The following ITGB6 variants were observed in gnomAD, a reference collection of about 807,000 sequenced individuals.
ITGB6 encodes the protein integrin subunit beta 6.
Under a neutral mutation model 84.5 loss-of-function variants are expected in ITGB6, and 80 were observed. The observed-to-expected ratio is 0.95, with a 90% CI of 0.79 to 1.14. ITGB6 has a LOEUF of 1.14. ITGB6 is among the 50% of genes most tolerant of loss of function. The probability of loss-of-function intolerance (pLI) is 0.00; values close to 1 mark genes in which losing one functional copy is unlikely to be tolerated. For missense variants in ITGB6, 1,006 were observed against 968.0 expected, an observed-to-expected ratio of 1.04 and a Z score of -0.52; for synonymous variants, 383 against 354.9, an observed-to-expected ratio of 1.08 and a Z score of -0.89.
intron 4 of ITGB6, among the ~76,000 whole-genome samples, chr2:160,181,960 C>T (rs758104661): frequency 2.8e-4 from 42 of 152,248 alleles, no homozygotes; most frequent in Non-Finnish European, 5.4e-4. Flanking sequence ...ACAAAAAGGA[C>T]GTCCACACAA....
chr2:160,179,699 G>A (rs1347077892), intron 4 of ITGB6, among the ~76,000 whole-genome samples: 1 of 151,664 alleles, frequency 6.6e-6, no homozygotes, highest in Admixed American at 6.6e-5. Flanking sequence ...GCCCATTCCA[G>A]CATTTCATGC....
At position 160,174,103 on chromosome 2, in the gene ITGB6, G is replaced by T. The variant is rs367990097; in HGVS notation, c.630C>A (p.Phe210Leu). Residue 210 changes from phenylalanine to leucine, a missense_variant, in exon 5 of 15, where the codon TTC (phenylalanine) becomes TTA (leucine). Transcript: ENST00000283249. ...CATTTGTCAATGGCAAAATGTGCTT[G>T]AATCCAAATGTAGGTAAACAGAAGT... ...IPYFCLPTFG[F>L]KHILPLTNDA... The T allele has an allele frequency of 6.2e-7, 1 of 1,610,980 alleles. No individual in the cohort carries two copies. The highest frequency in any genetic ancestry group is 1.3e-5 in the African/African-American group (1 of 74,840).
rs1683256626 is a variant in ITGB6, at chr2:160,126,618, T to C, written c.1661-17A>G. On this transcript the variant is annotated splice_polypyrimidine_tract_variant and intron_variant, in intron 10 of 14. Transcript: ENST00000283249. ...CGCCGTTACCTGTAACACAAAATGC[T>C]CTATGCTTCTCACAGCCCCAAAACA... 7 of 1,603,872 alleles carry C rather than the reference T, an allele frequency of 4.4e-6. No individual in the cohort carries two copies. Among genetic ancestry groups the C allele is most frequent in the Non-Finnish European group, 6.0e-6 (7 of 1,172,644 alleles).
At chr2:160,132,109 T>C (rs1228506234) in intron 10 of ITGB6, among the ~76,000 whole-genome samples, 1 of 152,146 alleles carries the variant, frequency 6.6e-6, no homozygotes, top group Non-Finnish European at 1.5e-5. Context: ...CTATTAGACA[T>C]GCAATATGGG....
At chr2:160,155,300 G>C (rs899701102) in intron 7 of ITGB6, among the ~76,000 whole-genome samples, 1 of 152,162 alleles carries the variant, frequency 6.6e-6, no homozygotes, top group Non-Finnish European at 1.5e-5. Flanking sequence ...CAGAGGTTGG[G>C]GGCCAGTAAG....
intron 4 of ITGB6, among the ~76,000 whole-genome samples, chr2:160,177,682 C>G (rs1264615145): frequency 6.6e-6 from 1 of 152,116 alleles, no homozygotes; most frequent in East Asian, 1.9e-4. Flanking sequence ...TTGATGCAGT[C>G]AAACTTCTTC....
chr2:160,192,826 A>G (rs1329137655), intron 4 of ITGB6, among the ~76,000 whole-genome samples: 1 of 152,156 alleles, frequency 6.6e-6, no homozygotes, highest in Non-Finnish European at 1.5e-5. Context: ...AAATGGGCAA[A>G]AGATTTGAAA....
intron 4 of ITGB6, among the ~76,000 whole-genome samples, chr2:160,181,796 G>A (rs1331097060): frequency 6.6e-6 from 1 of 152,202 alleles, no homozygotes; most frequent in African/African-American, 2.4e-5. Context: ...GGAAGGAACA[G>A]GCAGCATTCT....
intron 5 of ITGB6, among the ~76,000 whole-genome samples, chr2:160,173,512 G>A (rs1008622973): frequency 8.5e-5 from 13 of 152,220 alleles, no homozygotes; most frequent in African/African-American, 3.1e-4. Flanking sequence ...GACAGTCAAG[G>A]AGGAGCAGTG....
rs186880812 is a variant in ITGB6, at chr2:160,193,936, C to T, written c.593+1433G>A. On this transcript the variant is annotated intron_variant, in intron 4 of 14. Coordinates refer to ENST00000283249, the MANE Select transcript of ITGB6 (RefSeq NM_000888.5). ...CTTTGGGAGGCCAAGGCGGGTGGAT[C>T]GCTTGAGGTCAGGAGTTTGAGACCA... is the stretch of plus-strand genomic sequence containing the variant. Among the ~76,000 whole-genome samples the T allele has an allele frequency of 2.6e-5, 4 of 152,270 alleles. No homozygotes were observed. In the East Asian group the frequency reaches 5.8e-4, roughly 22 times the overall value.
chr2:160,121,669 C>T (rs919760576), intron 12 of ITGB6, among the ~76,000 whole-genome samples: 1 of 151,638 alleles, frequency 6.6e-6, no homozygotes, highest in Non-Finnish European at 1.5e-5. Flanking sequence ...GCCTGTAGTC[C>T]CAGGTACTCA....
intron 12 of ITGB6, among the ~76,000 whole-genome samples, chr2:160,112,848 T>A (rs1224520700): frequency 6.6e-6 from 1 of 152,112 alleles, no homozygotes; most frequent in African/African-American, 2.4e-5. Context: ...GTGGGAATTT[T>A]TCCTTATTGA....
chr2:160,172,355 C>A (rs1259485370), intron 6 of ITGB6, among the ~76,000 whole-genome samples: 5 of 152,188 alleles, frequency 3.3e-5, no homozygotes, highest in Non-Finnish European at 7.4e-5. Flanking sequence ...GGATTCATAG[C>A]AGATCTAACT....
chr2:160,113,914 C>T (rs11897691), intron 12 of ITGB6, among the ~76,000 whole-genome samples: 1 of 151,868 alleles, frequency 6.6e-6, no homozygotes, highest in South Asian at 2.1e-4. Flanking sequence ...GCGTTTTCTT[C>T]TTGGACTGTT....
intron 12 of ITGB6, among the ~76,000 whole-genome samples, chr2:160,120,907 G>C (rs114100563): frequency 7.3e-6 from 1 of 137,756 alleles, no homozygotes; most frequent in African/African-American, 2.8e-5. Context: ...TTCAGGGACC[G>C]TTGTGGGATG....
chr2:160,099,857 A>G lies in ITGB6; in HGVS notation c.*1879T>C, dbSNP rs1405104620. 6.6e-6 allele frequency: 1 copy of G among 152,158 alleles called. No homozygotes were observed. Among genetic ancestry groups the G allele is most frequent in the African/African-American group, 2.4e-5 (1 of 41,440 alleles). 9.4% of individuals were successfully genotyped at this position (152,158 alleles called of 1,614,324 possible). A position where few individuals can be genotyped will look rare whatever the true frequency, so the allele number is the denominator to read the frequency against. On this transcript the variant is annotated 3_prime_UTR_variant, in exon 15 of 15. Transcript: ENST00000283249. ...TCAGAGAAAGAGCAGATTCTTCTCTACCTTCCCTAAAACACACACAAAGGT... is the reference window on the plus strand; with the variant it reads ...TCAGAGAAAGAGCAGATTCTTCTCTGCCTTCCCTAAAACACACACAAAGGT...
At chr2:160,189,398 C>T (rs996384109) in intron 4 of ITGB6, among the ~76,000 whole-genome samples, 1 of 152,098 alleles carries the variant, frequency 6.6e-6, no homozygotes, top group Non-Finnish European at 1.5e-5. Flanking sequence ...AAAGAAACCA[C>T]CATCGGAATG....
chr2:160,154,624 A>G (rs914623646), intron 7 of ITGB6, among the ~76,000 whole-genome samples: 1 of 152,180 alleles, frequency 6.6e-6, no homozygotes, highest in African/African-American at 2.4e-5. Flanking sequence ...AAACGTGTAC[A>G]TAGATGTTTA....
chr2:160,171,361 G>T (rs1559191432), intron 6 of ITGB6, among the ~76,000 whole-genome samples: 1 of 144,502 alleles, frequency 6.9e-6, no homozygotes, highest in Non-Finnish European at 1.5e-5. Context: ...TGGAGACGGA[G>T]TCTCGCTCTG....
Sources: allele counts gnomAD v4.1 joint callset (sites outside exome capture counted in the v4.1 genomes callset), GRCh38; gene constraint gnomAD v4.1.1; transcripts MANE v1.5; gene names NCBI Gene and HGNC (gene_info 2026-07-23, HGNC 2026-07-21).